Variants in FBXL7 observed in about 807,000 individuals in gnomAD.
FBXL7 encodes F-box/LRR-repeat protein 7.
Under a neutral mutation model 38.3 loss-of-function variants are expected in FBXL7, and 12 were observed. That is an observed-to-expected ratio of 0.31 (90% CI 0.20 to 0.51). FBXL7 has a LOEUF of 0.51. FBXL7 is among the 20% of genes least tolerant of loss of function. The probability of loss-of-function intolerance (pLI) is 0.98; values close to 1 mark genes in which losing one functional copy is unlikely to be tolerated. For synonymous variants in FBXL7, 297 were observed against 300.9 expected, an observed-to-expected ratio of 0.99 and a Z score of 0.13; for missense variants, 567 against 676.4, an observed-to-expected ratio of 0.84 and a Z score of 1.79.
chr5:15,679,558 G>GT lies in FBXL7; in HGVS notation c.127+63505dup, dbSNP rs34375125. Among the ~76,000 whole-genome samples, 248 of 125,114 alleles carry GT rather than the reference G, an allele frequency of 2.0e-3. 1 individual carries two copies. Among genetic ancestry groups the GT allele is most frequent in the African/African-American group, 3.5e-3 (119 of 33,846 alleles). 82.1% of individuals were successfully genotyped at this position (125,114 alleles called of 152,430 possible). On this transcript the variant is annotated intron_variant, in intron 2 of 3. Transcript: ENST00000504595. The stretch of plus-strand genomic sequence containing the variant: ...ATTAGCAGCCATAATATGCTTCATT[G>GT]TTTTTTTTTTTTTTTTTTTCAGAAT...
chr5:15,813,750 A>G (rs563122708), intron 2 of FBXL7, among the ~76,000 whole-genome samples: 39 of 152,228 alleles, frequency 2.6e-4, no homozygotes, highest in Non-Finnish European at 5.0e-4. Context: ...AAACAACCCC[A>G]TCAATAAGTG....
intron 2 of FBXL7, among the ~76,000 whole-genome samples, chr5:15,845,550 G>T (rs1465564353): frequency 1.3e-5 from 2 of 151,872 alleles, no homozygotes; most frequent in Non-Finnish European, 2.9e-5. Context: ...ATATTAAAAT[G>T]ATAATATTCA....
intron 1 of FBXL7, among the ~76,000 whole-genome samples, chr5:15,528,797 ATTAT>A (rs143378976): frequency 0.016 from 2,394 of 152,286 alleles, 57 homozygotes; most frequent in African/African-American, 0.055. Context: ...TTTTTTAAAA[ATTAT>A]TTATTTAGCC....
chr5:15,852,283 T>A (rs1238552794), intron 2 of FBXL7, among the ~76,000 whole-genome samples: 1 of 152,152 alleles, frequency 6.6e-6, no homozygotes, highest in Non-Finnish European at 1.5e-5. Context: ...AATGAGGAAA[T>A]CAAATACTTT....
chr5:15,771,197 C>T (rs1380027573), intron 2 of FBXL7, among the ~76,000 whole-genome samples: 1 of 152,172 alleles, frequency 6.6e-6, no homozygotes, highest in African/African-American at 2.4e-5. Flanking sequence ...CCTTCTAATG[C>T]ACAGCATTTG....
chr5:15,789,137 A>G (rs1033411718), intron 2 of FBXL7, among the ~76,000 whole-genome samples: 4 of 152,024 alleles, frequency 2.6e-5, no homozygotes, highest in African/African-American at 4.8e-5. Flanking sequence ...AGAATGAGCC[A>G]CCATGCCCAG....
chr5:15,684,442 GA>G (rs1031330789), intron 2 of FBXL7, among the ~76,000 whole-genome samples: 2 of 152,186 alleles, frequency 1.3e-5, no homozygotes, highest in African/African-American at 4.8e-5. Flanking sequence ...CCAATTTTAG[GA>G]AAATGAATCA....
chr5:15,937,337 C>G lies in FBXL7; in HGVS notation c.*151C>G, dbSNP rs1414290083. 2 of 1,006,376 alleles carry G rather than the reference C, an allele frequency of 2.0e-6. No homozygotes were observed. Among genetic ancestry groups the G allele is most frequent in the Non-Finnish European group, 2.8e-6 (2 of 713,110 alleles). The allele number at this position is 1,006,376 out of a possible 1,614,324, so 62.3% of individuals were successfully genotyped here. A position where few individuals can be genotyped will look rare whatever the true frequency, so the allele number is the denominator to read the frequency against. On this transcript the variant is annotated 3_prime_UTR_variant, in exon 4 of 4. Transcript: ENST00000504595. ...ATCTGGCCTTTATTTTTCCTCATTT[C>G]TCATGGGCAACAGAGGCCAAAGAAA...
intron 2 of FBXL7, among the ~76,000 whole-genome samples, chr5:15,765,728 C>T (rs1345411280): frequency 6.6e-6 from 1 of 152,154 alleles, no homozygotes; most frequent in African/African-American, 2.4e-5. Context: ...CAATTGATGG[C>T]TCTTTCCTGA....
chr5:15,650,181 A>G (rs756648939), intron 2 of FBXL7, among the ~76,000 whole-genome samples: 1 of 152,224 alleles, frequency 6.6e-6, no homozygotes, highest in Non-Finnish European at 1.5e-5. Flanking sequence ...TTACAGGGAT[A>G]TCTTAGAGAT....
At chr5:15,810,951 CCTTT>C (rs1423204429) in intron 2 of FBXL7, among the ~76,000 whole-genome samples, 2 of 152,114 alleles carry the variant, frequency 1.3e-5, no homozygotes, top group Admixed American at 6.6e-5. Flanking sequence ...GCATTTTCAT[CCTTT>C]CTATCTTTCC....
intron 1 of FBXL7, among the ~76,000 whole-genome samples, chr5:15,572,784 C>A (rs1738834294): frequency 1.3e-5 from 2 of 152,092 alleles, no homozygotes; most frequent in Non-Finnish European, 2.9e-5. Context: ...TCTGTCTTCT[C>A]CCTTCATGCC....
intron 1 of FBXL7, among the ~76,000 whole-genome samples, chr5:15,609,328 T>G (rs1740140457): frequency 6.6e-6 from 1 of 152,210 alleles, no homozygotes. Flanking sequence ...CAGAGTTTTC[T>G]TCATTTAAGG....
At chr5:15,616,414 T>A (rs1315918845) in intron 2 of FBXL7, among the ~76,000 whole-genome samples, 1 of 152,222 alleles carries the variant, frequency 6.6e-6, no homozygotes, top group African/African-American at 2.4e-5. Context: ...TGTGCTGTAG[T>A]TGAATGTTCC....
At chr5:15,709,983 A>G (rs1172924291) in intron 2 of FBXL7, among the ~76,000 whole-genome samples, 1 of 152,076 alleles carries the variant, frequency 6.6e-6, no homozygotes, top group Non-Finnish European at 1.5e-5. Flanking sequence ...AAACTATCAC[A>G]CTGGGTCTTA....
chr5:15,684,454 G>A (rs1246464284), intron 2 of FBXL7, among the ~76,000 whole-genome samples: 1 of 152,154 alleles, frequency 6.6e-6, no homozygotes, highest in African/African-American at 2.4e-5. Flanking sequence ...AAATGAATCA[G>A]CAGTGGGAAA....
At chr5:15,618,534 G>T (rs1308943292) in intron 2 of FBXL7, among the ~76,000 whole-genome samples, 1 of 152,162 alleles carries the variant, frequency 6.6e-6, no homozygotes, top group Admixed American at 6.5e-5. Context: ...TTATCAGGCT[G>T]CTTTTTCAAT....
chr5:15,682,795 G>C (rs1378236344), intron 2 of FBXL7, among the ~76,000 whole-genome samples: 2 of 152,282 alleles, frequency 1.3e-5, no homozygotes, highest in Non-Finnish European at 2.9e-5. Flanking sequence ...GAATCAGCCT[G>C]TTGCCACATG....
chr5:15,524,636 C>A (rs1737200522), intron 1 of FBXL7, among the ~76,000 whole-genome samples: 1 of 152,164 alleles, frequency 6.6e-6, no homozygotes, highest in Admixed American at 6.5e-5. Flanking sequence ...AACAATAAAT[C>A]ATGCTGTTAC....
Sources: gnomAD v4.1 joint callset for allele counts (sites outside exome capture counted in the v4.1 genomes callset) on GRCh38, gnomAD v4.1.1 for gene constraint, MANE v1.5 for transcripts, NCBI Gene and HGNC (gene_info 2026-07-23, HGNC 2026-07-21) for gene names.